WASF2: variants seen among roughly 807,000 people sequenced by gnomAD.
WASF2 encodes actin-binding protein WASF2.
A neutral mutation model predicts 45.0 loss-of-function variants in WASF2; 14 were observed. The observed-to-expected ratio is 0.31, with a 90% CI of 0.21 to 0.49. WASF2 has a LOEUF of 0.49. Ranked by LOEUF, WASF2 falls within the 20% of genes least tolerant of loss-of-function variation. The pLI, the probability that WASF2 is intolerant of heterozygous loss-of-function variation, is 0.99. For missense variants in WASF2, 439 were observed against 636.1 expected (o/e 0.69, Z 3.33); for synonymous variants, 200 against 236.3 (o/e 0.85, Z 1.41).
intron 1 of WASF2, among the ~76,000 whole-genome samples, chr1:27,469,055 G>C (rs2148136334): frequency 6.6e-6 from 1 of 152,296 alleles, no homozygotes; most frequent in Non-Finnish European, 1.5e-5. Context: ...AGAGCAGAAA[G>C]AGAAATTAAT....
chr1:27,419,149 A>C (rs2016867652), intron 2 of WASF2, 61 bp from the exon 3 acceptor site: 1 of 1,591,858 alleles, frequency 6.3e-7, no homozygotes. Flanking sequence ...GGTCACAAAA[A>C]CTGGCTACTA....
Position 27,428,841 on chromosome 1 carries a change from G to A in WASF2, c.50C>T (p.Thr17Met), listed in dbSNP as rs772880496. The change falls in exon 2 of 9, where the codon ACG (threonine) becomes ATG (methionine). Residue 17 changes from threonine (T) to methionine (M), a missense_variant. Thr to Met is a moderately conservative substitution (Grantham distance 81). Around this residue, in one of 5 missense-constraint regions of WASF2, gnomAD observed 16 missense variants for 51.1 expected, o/e 0.31. Coordinates refer to ENST00000618852, the MANE Select transcript of WASF2 (RefSeq NM_006990.5). ...NIEPRHLCRQTLPSVRSELEC... is the reference protein window; with the variant it reads ...NIEPRHLCRQMLPSVRSELEC... ...CAGCTCGCTTCTAACGCTAGGCAAC[G>A]TCTGACGGCACAGGTGCCTTGGCTC... is the stretch of plus-strand genomic sequence containing the variant. The A allele has an allele frequency of 3.7e-6, 6 of 1,614,056 alleles. No homozygotes were observed. The highest frequency in any genetic ancestry group is 2.2e-5 in the East Asian group (1 of 44,888).
At chr1:27,435,995 G>A (rs555177618) in intron 1 of WASF2, among the ~76,000 whole-genome samples, 2 of 152,334 alleles carry the variant, frequency 1.3e-5, no homozygotes, top group East Asian at 1.9e-4. Context: ...CAGTAGCAGG[G>A]GATGGAACAT....
intron 1 of WASF2, among the ~76,000 whole-genome samples, chr1:27,449,249 T>C (rs1163937800): frequency 6.6e-6 from 1 of 152,142 alleles, no homozygotes; most frequent in Admixed American, 6.5e-5. Context: ...CTGCTATGAG[T>C]CATCTCTAAT....
chr1:27,468,772 G>A (rs916152944), intron 1 of WASF2, among the ~76,000 whole-genome samples: 3 of 151,804 alleles, frequency 2.0e-5, no homozygotes, highest in African/African-American at 7.3e-5. Flanking sequence ...CTGAGGTCAG[G>A]AGTTCAAGAC....
chr1:27,454,061 T>C (rs962562767), intron 1 of WASF2, among the ~76,000 whole-genome samples: 1 of 150,324 alleles, frequency 6.7e-6, no homozygotes, highest in Non-Finnish European at 1.5e-5. Flanking sequence ...TATTGTTTAG[T>C]GTCACATTCT....
rs761548701 is a variant in WASF2 at position 27,410,073 on chromosome 1, G to C, written c.958C>G (p.Pro320Ala). 8 of 1,613,196 alleles carry C rather than the reference G, an allele frequency of 5.0e-6. No individual in the cohort carries two copies. The highest frequency in any genetic ancestry group is 6.8e-6 in the Non-Finnish European group (8 of 1,179,568). ...GGAGGCGGAGGTGGCGGAGGGGCAGGTGGTGGAGCAAACCCGGGTTTAGGG... is the reference window on the plus strand; with the variant it reads ...GGAGGCGGAGGTGGCGGAGGGGCAGCTGGTGGAGCAAACCCGGGTTTAGGG... ...PGPKPGFAPP[P>A]APPPPPPPMI... is the part of the protein sequence containing the mutation. Residue 320 changes from proline to alanine, a missense_variant, in exon 8 of 9, where the codon CCT becomes GCT. Around this residue, in one of 5 missense-constraint regions of WASF2, gnomAD observed 286 missense variants for 373.5 expected, o/e 0.77. Transcript: ENST00000618852. This position sits in a 1 kb window ranked among gnomAD's most constrained non-coding sequence, Gnocchi z 4.2.
chr1:27,459,406 G>C (rs1176327806), intron 1 of WASF2: 1 of 151,938 alleles, frequency 6.6e-6, no homozygotes. Context: ...AAGTGATCCA[G>C]CCTCCTAAAG....
At chr1:27,418,189 G>C (rs974426986) in intron 4 of WASF2, 80 bp downstream of exon 4, 3 of 1,478,678 alleles carry the variant, frequency 2.0e-6, no homozygotes, top group African/African-American at 2.8e-5. Flanking sequence ...TCCTCTGATG[G>C]AAACAACCGC....
intron 2 of WASF2, among the ~76,000 whole-genome samples, chr1:27,425,944 G>A (rs536220537): frequency 5.3e-5 from 8 of 151,572 alleles, no homozygotes; most frequent in East Asian, 1.9e-4. Context: ...ACGCAGAGGC[G>A]AAGGCTGCAG....
intron 1 of WASF2, among the ~76,000 whole-genome samples, chr1:27,479,464 T>C (rs2017816159): frequency 6.6e-6 from 1 of 152,230 alleles, no homozygotes; most frequent in Non-Finnish European, 1.5e-5. Flanking sequence ...AAAATAAATA[T>C]AAATCTCATC....
At chr1:27,449,723 AGAGAAGATAAC>A (rs1299163808) in intron 1 of WASF2, among the ~76,000 whole-genome samples, 1 of 152,188 alleles carries the variant, frequency 6.6e-6, no homozygotes, top group Non-Finnish European at 1.5e-5. Context: ...CTGTTTCCTG[AGAGAAGATAAC>A]CCAAGTTCAA....
At chr1:27,431,628 T>G (rs1376008257) in intron 1 of WASF2, among the ~76,000 whole-genome samples, 1 of 152,212 alleles carries the variant, frequency 6.6e-6, no homozygotes, top group Non-Finnish European at 1.5e-5. Flanking sequence ...CTGTGCTGAA[T>G]GTGACCAATG....
intron 1 of WASF2, among the ~76,000 whole-genome samples, chr1:27,434,390 C>T (rs2017104456): frequency 6.6e-6 from 1 of 152,206 alleles, no homozygotes; most frequent in East Asian, 1.9e-4. Flanking sequence ...AGCTTCCCAG[C>T]TCTAAAATTT....
intron 1 of WASF2, among the ~76,000 whole-genome samples, chr1:27,436,643 T>C (rs552323282): frequency 1.1e-4 from 17 of 152,268 alleles, no homozygotes; most frequent in South Asian, 2.1e-4. Flanking sequence ...CTCATTACCA[T>C]GCAGCAACTA....
In WASF2 at chr1:27,484,705, G is replaced by A. The variant is rs537003872; in HGVS notation, c.-44+5281C>T. Reference sequence around the variant, plus strand: ...CGGGCACCTGTAGTCCCAGCTACTCGGGAGGCTGAGGCAGGAGAATGGCGT... The same window carrying A: ...CGGGCACCTGTAGTCCCAGCTACTCAGGAGGCTGAGGCAGGAGAATGGCGT... On this transcript the variant is annotated intron_variant, in intron 1 of 8. Coordinates refer to ENST00000618852, the MANE Select transcript of WASF2 (RefSeq NM_006990.5). Among the ~76,000 whole-genome samples, 21 of 151,470 alleles carry A rather than the reference G, an allele frequency of 1.4e-4. No homozygotes were observed. In the East Asian group the frequency reaches 4.1e-3, roughly 30 times the overall value.
chr1:27,454,156 T>C (rs1215435850), intron 1 of WASF2, among the ~76,000 whole-genome samples: 2 of 94,362 alleles, frequency 2.1e-5, no homozygotes, highest in African/African-American at 9.0e-5. Flanking sequence ...TGTGTGTGTA[T>C]ATATATATAT....
At chr1:27,417,342 A>G (rs2016840729) in intron 4 of WASF2, among the ~76,000 whole-genome samples, 1 of 152,156 alleles carries the variant, frequency 6.6e-6, no homozygotes, top group African/African-American at 2.4e-5. Context: ...GTCCCTTTGA[A>G]AGCCAAGGGG....
chr1:27,423,817 A>C (rs1177397115), intron 2 of WASF2, among the ~76,000 whole-genome samples: 3 of 152,220 alleles, frequency 2.0e-5, no homozygotes, highest in African/African-American at 7.2e-5. Flanking sequence ...CTGATGTTTA[A>C]AAATGTGAAG....
Sources: allele counts gnomAD v4.1 joint callset (sites outside exome capture counted in the v4.1 genomes callset), GRCh38; gene constraint gnomAD v4.1.1; regional missense constraint gnomAD v4.1.1; non-coding constraint Gnocchi (gnomAD v3.1); transcripts MANE v1.5; gene names NCBI Gene and HGNC (gene_info 2026-07-23, HGNC 2026-07-21).